Variants in MACROD2 observed in about 807,000 individuals in gnomAD.
MACROD2 encodes the protein ADP-ribose glycohydrolase MACROD2.
In MACROD2, 36 loss-of-function variants were observed where a neutral mutation model predicts 70.4. That is an observed-to-expected ratio of 0.51 (90% CI 0.39 to 0.68). MACROD2 has a LOEUF of 0.68. Among genes scored for constraint, MACROD2 ranks in the 30% least tolerant of loss-of-function variants. The pLI is 0.00. For synonymous variants in MACROD2, 172 were observed against 178.8 expected (o/e 0.96, Z 0.30); for missense variants, 496 against 538.4 (o/e 0.92, Z 0.78).
chr20:14,248,255 C>T (rs147788791), intron 3 of MACROD2, among the ~76,000 whole-genome samples: 432 of 152,274 alleles, frequency 2.8e-3, no homozygotes, highest in Middle Eastern at 0.014. Flanking sequence ...AACTATTTAA[C>T]GTACACAGAC....
At chr20:15,256,094 T>C (rs1263377474) in intron 6 of MACROD2, among the ~76,000 whole-genome samples, 6 of 152,130 alleles carry the variant, frequency 3.9e-5, no homozygotes, top group African/African-American at 1.2e-4. Flanking sequence ...CAGTTAGGTA[T>C]CTATTTCTGC....
rs79296930 is a variant in MACROD2 at position 16,029,583 on chromosome 20, C to A, written c.1154-11618C>A. Among the ~76,000 whole-genome samples, 1,252 of 152,260 alleles carry A rather than the reference C, an allele frequency of 8.2e-3. 15 individuals are homozygous for A. The highest frequency in any genetic ancestry group is 0.029 in the African/African-American group (1,186 of 41,542). On this transcript the variant is annotated intron_variant, in intron 15 of 17. Transcript: ENST00000684519. ...AGGAAGGCACCTTTCTGGAAATGTG[C>A]GGAAGGAACGAGCCTGGTGTTGCCC...
intron 5 of MACROD2, among the ~76,000 whole-genome samples, chr20:14,902,256 C>G (rs1254371755): frequency 6.6e-6 from 1 of 152,090 alleles, no homozygotes; most frequent in Admixed American, 6.5e-5. Flanking sequence ...TCAAAATTCG[C>G]GGTGAAGGGT....
intron 3 of MACROD2, among the ~76,000 whole-genome samples, chr20:14,279,345 C>T (rs1038535426): frequency 3.3e-5 from 5 of 152,148 alleles, no homozygotes; most frequent in African/African-American, 9.7e-5. Flanking sequence ...CATACCTTTT[C>T]TTCCATTACC....
intron 3 of MACROD2, among the ~76,000 whole-genome samples, chr20:14,431,404 A>G (rs1303576120): frequency 6.6e-6 from 1 of 152,164 alleles, no homozygotes; most frequent in African/African-American, 2.4e-5. Flanking sequence ...TATTTTTAAG[A>G]GAAGATAAGT....
intron 3 of MACROD2, among the ~76,000 whole-genome samples, chr20:14,097,075 CT>C (rs778351256): frequency 5.9e-5 from 9 of 152,204 alleles, no homozygotes; most frequent in Non-Finnish European, 1.0e-4. Flanking sequence ...AATATTTCCT[CT>C]ATTTCCCAAA....
intron 8 of MACROD2, among the ~76,000 whole-genome samples, chr20:15,661,934 G>GATCT (rs1449442746): frequency 6.6e-6 from 1 of 152,098 alleles, no homozygotes; most frequent in Non-Finnish European, 1.5e-5. Context: ...AGCCCTTTAC[G>GATCT]ATCTGGTCCT....
intron 8 of MACROD2, among the ~76,000 whole-genome samples, chr20:15,747,026 A>G (rs1421647501): frequency 6.6e-6 from 1 of 152,174 alleles, no homozygotes; most frequent in African/African-American, 2.4e-5. Flanking sequence ...TTGCTAAGAA[A>G]GTTCTAAACA....
chr20:15,551,997 G>A (rs1035058734), intron 8 of MACROD2, among the ~76,000 whole-genome samples: 1 of 151,116 alleles, frequency 6.6e-6, no homozygotes, highest in African/African-American at 2.4e-5. Context: ...ATTTTTATAT[G>A]CATACATTTT....
intron 3 of MACROD2, among the ~76,000 whole-genome samples, chr20:14,125,495 T>C (rs1022055118): frequency 3.9e-5 from 6 of 152,126 alleles, no homozygotes; most frequent in Non-Finnish European, 5.9e-5. Flanking sequence ...AAGTGTTCAG[T>C]AAAGATAAAC....
At chr20:14,035,715 A>G (rs1410378801) in intron 2 of MACROD2, among the ~76,000 whole-genome samples, 6 of 152,246 alleles carry the variant, frequency 3.9e-5, no homozygotes, top group African/African-American at 1.2e-4. Flanking sequence ...CATCAGCATA[A>G]TATGAGTAAA....
intron 4 of MACROD2, among the ~76,000 whole-genome samples, chr20:14,589,927 G>A (rs1238555146): frequency 6.6e-6 from 1 of 152,116 alleles, no homozygotes; most frequent in East Asian, 1.9e-4. Context: ...CCTTCCATCT[G>A]TGAGACATGT....
rs552262940 is a variant in MACROD2, at chr20:15,074,171, A to G, written c.419-155769A>G. 2.0e-5 allele frequency among the ~76,000 whole-genome samples: 3 copies of G among 152,294 alleles called. No homozygotes were observed. The East Asian group carries it at 5.8e-4, about 29-fold the overall frequency. On this transcript the variant is annotated intron_variant, in intron 5 of 17. Coordinates refer to ENST00000684519, the MANE Select transcript of MACROD2 (RefSeq NM_001351661.2). Reference sequence around the variant, plus strand: ...TGACTGGCAGCCCCTAGGTAGCTTAAGGATGGGGGCTGGTCACAGAAAAGG... The same window carrying G: ...TGACTGGCAGCCCCTAGGTAGCTTAGGGATGGGGGCTGGTCACAGAAAAGG...
At chr20:14,361,666 G>A (rs1300379351) in intron 3 of MACROD2, among the ~76,000 whole-genome samples, 1 of 152,156 alleles carries the variant, frequency 6.6e-6, no homozygotes, top group African/African-American at 2.4e-5. Context: ...AGGGTGAACA[G>A]GGTCATTTAA....
chr20:15,720,823 G>T (rs1378076893), intron 8 of MACROD2, among the ~76,000 whole-genome samples: 5 of 152,140 alleles, frequency 3.3e-5, no homozygotes, highest in African/African-American at 1.2e-4. Flanking sequence ...CATGGCTTCT[G>T]TTTTAGCTTT....
intron 3 of MACROD2, among the ~76,000 whole-genome samples, chr20:14,167,202 T>C (rs1029822971): frequency 6.6e-6 from 1 of 152,140 alleles, no homozygotes; most frequent in Non-Finnish European, 1.5e-5. Flanking sequence ...CTGTAGCACT[T>C]ATATAAGCCA....
intron 4 of MACROD2, among the ~76,000 whole-genome samples, chr20:14,588,091 T>G (rs1466058279): frequency 6.6e-6 from 1 of 152,160 alleles, no homozygotes; most frequent in African/African-American, 2.4e-5. Context: ...TCTATGTATA[T>G]GTTTAGGAAC....
chr20:14,652,712 T>G (rs916456226), intron 4 of MACROD2, among the ~76,000 whole-genome samples: 2 of 152,128 alleles, frequency 1.3e-5, no homozygotes, highest in African/African-American at 4.8e-5. Flanking sequence ...GACTATGAGA[T>G]TATCTAAATA....
At chr20:15,264,113 A>G (rs2077272226) in intron 6 of MACROD2, among the ~76,000 whole-genome samples, 1 of 152,202 alleles carries the variant, frequency 6.6e-6, no homozygotes, top group Admixed American at 6.5e-5. Context: ...AAAATCAAGT[A>G]TAGGCCAAAA....
Sources: gnomAD v4.1 joint callset for allele counts (sites outside exome capture counted in the v4.1 genomes callset) on GRCh38, gnomAD v4.1.1 for gene constraint, MANE v1.5 for transcripts, NCBI Gene and HGNC (gene_info 2026-07-23, HGNC 2026-07-21) for gene names.